The following JAM3 variants were observed in gnomAD, a reference collection of about 807,000 sequenced individuals.
JAM3 encodes the protein junctional adhesion molecule C.
JAM3 carries 31 observed loss-of-function variants against 39.4 expected under a neutral mutation model. The ratio of observed to expected loss-of-function variants is 0.79; its 90% CI spans 0.59 to 1.06. The LOEUF (loss-of-function observed/expected upper bound fraction) is 1.06, where lower values mean the gene tolerates loss of function less well. Among genes scored for constraint, JAM3 ranks in the 50% least tolerant of loss-of-function variants. JAM3 has a pLI of 0.00. For synonymous variants in JAM3, 182 were observed against 148.7 expected (o/e 1.22, Z -1.63); for missense variants, 455 against 391.4 (o/e 1.16, Z -1.37).
intron 3 of JAM3, 33 bp from the exon 4 acceptor site, chr11:134,144,208 G>T (rs1302349089): frequency 3.7e-6 from 6 of 1,613,700 alleles, no homozygotes; most frequent in Non-Finnish European, 4.2e-6. Flanking sequence ...TTTCTTTAAA[G>T]AAGTTTTTTA....
At chr11:134,125,470 A>C (rs905310447) in intron 1 of JAM3, among the ~76,000 whole-genome samples, 5 of 152,188 alleles carry the variant, frequency 3.3e-5, no homozygotes, top group Admixed American at 3.3e-4. Context: ...AGTTCTGGAT[A>C]GATTTTAATA....
chr11:134,087,713 C>G (rs1045309901), intron 1 of JAM3, among the ~76,000 whole-genome samples: 2 of 152,208 alleles, frequency 1.3e-5, no homozygotes, highest in Non-Finnish European at 2.9e-5. Context: ...TGGATTTACA[C>G]TATGCTCTCA....
At chr11:134,109,082 G>A (rs887652777) in intron 1 of JAM3, among the ~76,000 whole-genome samples, 15 of 151,996 alleles carry the variant, frequency 9.9e-5, no homozygotes, top group East Asian at 3.9e-4. Flanking sequence ...TTAGCCTCCC[G>A]TGTAGCTGGG....
chr11:134,131,519 A>T (rs886289755), intron 1 of JAM3, among the ~76,000 whole-genome samples: 1 of 152,188 alleles, frequency 6.6e-6, no homozygotes, highest in African/African-American at 2.4e-5. Flanking sequence ...CATCAACAAC[A>T]ACAACAAAAA....
rs34729848 is a variant in JAM3 at position 134,134,398 on chromosome 11, C to CAAAAAAA, written c.77-5435_77-5429dup. 4.7e-3 allele frequency among the ~76,000 whole-genome samples: 149 copies of CAAAAAAA among 31,914 alleles called. 6 individuals carry two copies. The highest frequency in any genetic ancestry group is 7.8e-3 in the African/African-American group (62 of 7,926). 20.9% of individuals were successfully genotyped at this position (31,914 alleles called of 152,430 possible). On this transcript the variant is annotated intron_variant, in intron 1 of 8. Transcript: ENST00000299106. ...AGAAAACACCAAACAGGATAAATGCCAAAAAAAAAAAAAAAAAAAAAAAAC... is the reference window on the plus strand; with the variant it reads ...AGAAAACACCAAACAGGATAAATGCCAAAAAAAAAAAAAAAAAAAAAAAAAAAAAAAC...
At chr11:134,142,035 A>C (rs1442985542) in intron 3 of JAM3, among the ~76,000 whole-genome samples, 1 of 151,972 alleles carries the variant, frequency 6.6e-6, no homozygotes, top group Non-Finnish European at 1.5e-5. Context: ...TTTTGGAGTG[A>C]TGGAAATGTT....
intron 1 of JAM3, among the ~76,000 whole-genome samples, chr11:134,096,736 G>T (rs749802459): frequency 1.3e-5 from 2 of 152,094 alleles, no homozygotes; most frequent in Non-Finnish European, 2.9e-5. Context: ...CTTCTTTGTT[G>T]TATTGGGGTG....
At position 134,099,841 on chromosome 11, in the gene JAM3, G is replaced by A. The variant is rs141744951; in HGVS notation, c.76+30682G>A. The stretch of plus-strand genomic sequence containing the variant: ...AGGCTGGTCTCGAACTCCAGACCTC[G>A]TCATCCGCCTGCCTTGGCCTCCCAA... On this transcript the variant is annotated intron_variant, in intron 1 of 8. Transcript: ENST00000299106. Among the ~76,000 whole-genome samples, 707 of 152,264 alleles carry A rather than the reference G, an allele frequency of 4.6e-3. 6 individuals are homozygous for A. The highest frequency in any genetic ancestry group is 0.016 in the African/African-American group (674 of 41,556).
At chr11:134,075,366 T>C (rs1251596787) in intron 1 of JAM3, among the ~76,000 whole-genome samples, 2 of 152,128 alleles carry the variant, frequency 1.3e-5, no homozygotes, top group African/African-American at 2.4e-5. Context: ...GAGGAAATAA[T>C]GTGGGCAAAG....
chr11:134,129,124 T>TC (rs1942712752), intron 1 of JAM3, among the ~76,000 whole-genome samples: 1 of 57,518 alleles, frequency 1.7e-5, no homozygotes, highest in Admixed American at 1.4e-4. Context: ...TTCAAGTTCT[T>TC]TTTTTTTTTT....
intron 1 of JAM3, among the ~76,000 whole-genome samples, chr11:134,114,007 G>C (rs573625633): frequency 1.3e-5 from 2 of 152,200 alleles, no homozygotes; most frequent in South Asian, 2.1e-4. Context: ...AGAAGTGTCT[G>C]TTCATATCCT....
intron 1 of JAM3, among the ~76,000 whole-genome samples, chr11:134,079,318 T>C (rs543513734): frequency 2.0e-5 from 3 of 152,340 alleles, no homozygotes; most frequent in African/African-American, 7.2e-5. Flanking sequence ...CAGCACCTAC[T>C]TAGTCTACTA....
chr11:134,114,451 C>T (rs956857756), intron 1 of JAM3, among the ~76,000 whole-genome samples: 40 of 152,252 alleles, frequency 2.6e-4, no homozygotes, highest in African/African-American at 9.6e-4. Flanking sequence ...ATCCTTTCCC[C>T]ATTTCTTGTT....
At chr11:134,132,249 G>A (rs1163867667) in intron 1 of JAM3, among the ~76,000 whole-genome samples, 2 of 152,192 alleles carry the variant, frequency 1.3e-5, no homozygotes, top group Non-Finnish European at 2.9e-5. Context: ...AGAAACCTTG[G>A]AGGCCAGAAG....
At chr11:134,088,233 A>G (rs1941776492) in intron 1 of JAM3, among the ~76,000 whole-genome samples, 2 of 152,210 alleles carry the variant, frequency 1.3e-5, no homozygotes, top group Non-Finnish European at 2.9e-5. Context: ...GCATATGTTT[A>G]AAATTTCGAC....
intron 1 of JAM3, among the ~76,000 whole-genome samples, chr11:134,129,934 G>A (rs373215316): frequency 5.3e-5 from 8 of 152,190 alleles, no homozygotes; most frequent in South Asian, 2.1e-4. Flanking sequence ...CATGGGAGGC[G>A]GAAGTTGCAG....
At position 134,088,271 on chromosome 11, in the gene JAM3, A is replaced by G. The variant is rs533773714; in HGVS notation, c.76+19112A>G. Among the ~76,000 whole-genome samples the G allele has an allele frequency of 1.3e-5, 2 of 152,322 alleles. 1 individual carries two copies. Among genetic ancestry groups the G allele is most frequent in the South Asian group, 4.1e-4 (2 of 4,824 alleles). The stretch of plus-strand genomic sequence containing the variant: ...CAAAACAAAAATTGACAAATTCTCT[A>G]CATTTACCAATGATGTATTACCCAC... On this transcript the variant is annotated intron_variant, in intron 1 of 8. Coordinates refer to ENST00000299106, the MANE Select transcript of JAM3 (RefSeq NM_032801.5).
chr11:134,079,170 C>T (rs1053935883), intron 1 of JAM3, among the ~76,000 whole-genome samples: 1 of 152,094 alleles, frequency 6.6e-6, no homozygotes, highest in Non-Finnish European at 1.5e-5. Context: ...AAGGATGGCG[C>T]TCTGTTATTT....
chr11:134,149,002 G>T, intron 8 of JAM3, 144 bp from the exon 9 acceptor site: 1 of 947,750 alleles, frequency 1.1e-6, no homozygotes. Context: ...ACACTAATGG[G>T]ATTTGTGCTT....
Sources: allele counts gnomAD v4.1 joint callset (sites outside exome capture counted in the v4.1 genomes callset), GRCh38; gene constraint gnomAD v4.1.1; transcripts MANE v1.5; gene names NCBI Gene and HGNC (gene_info 2026-07-23, HGNC 2026-07-21).